The following GAK variants were observed in gnomAD, a reference collection of about 807,000 sequenced individuals.
GAK encodes the protein cyclin G associated kinase.
Under a neutral mutation model 143.9 loss-of-function variants are expected in GAK, and 79 were observed. The observed-to-expected ratio is 0.55, with a 90% CI of 0.46 to 0.66. The LOEUF (loss-of-function observed/expected upper bound fraction) is 0.66. Ranked by LOEUF, GAK falls within the 30% of genes least tolerant of loss-of-function variation. The pLI is 0.00. For synonymous variants in GAK, 881 were observed against 765.5 expected, an observed-to-expected ratio of 1.15 and a Z score of -2.49; for missense variants, 1,693 against 1,779.7, an observed-to-expected ratio of 0.95 and a Z score of 0.88.
chr4:853,608 G>C (rs1748584079), intron 24 of GAK: 1 of 151,898 alleles, frequency 6.6e-6, no homozygotes, highest in African/African-American at 2.4e-5. Flanking sequence ...AGTCCCCCCG[G>C]CAAGGCATGA....
chr4:886,775 C>T (rs55975176), intron 11 of GAK: 10,409 of 152,304 alleles, frequency 0.068, 561 homozygotes, highest in Non-Finnish European at 0.11. Flanking sequence ...GCCCAGTGGG[C>T]GGTGCGCTGG....
At chr4:912,327 G>A in intron 3 of GAK, 1 of 377,068 alleles carries the variant, frequency 2.7e-6, no homozygotes, top group South Asian at 1.9e-5. Flanking sequence ...GACAGCCTGA[G>A]AAGGGACGAG....
At chr4:920,700 C>T (rs1286930795) in intron 1 of GAK, among the ~76,000 whole-genome samples, 3 of 151,850 alleles carry the variant, frequency 2.0e-5, no homozygotes, top group South Asian at 2.1e-4. Flanking sequence ...CCCACCACCA[C>T]GCCTGGCTAA....
intron 4 of GAK, among the ~76,000 whole-genome samples, chr4:907,921 G>A (rs550717440): frequency 5.3e-5 from 8 of 152,262 alleles, no homozygotes; most frequent in Non-Finnish European, 1.2e-4. Flanking sequence ...TTGAGGGGCT[G>A]GGCCCGGCCC....
rs773949389 is a variant in GAK, at chr4:904,662, G to A, written c.500C>T (p.Pro167Leu). Residue 167 changes from proline (P) to leucine (L), a missense_variant, in exon 5 of 28, where the codon CCG becomes CTG. Around this residue, in one of 2 missense-constraint regions of GAK, gnomAD observed 871 missense variants for 991.0 expected, o/e 0.88. Transcript: ENST00000314167. ...RAVQHMHRQK[P>L]PIIHRDLKVE... ...CTTGAGGTCCCTGTGGATGATGGGC[G>A]GCTTCTGCCGGTGCATGTGCTGCAC... The A allele has an allele frequency of 1.5e-5, 24 of 1,601,190 alleles. No individual in the cohort carries two copies. Among genetic ancestry groups the A allele is most frequent in the Non-Finnish European group, 1.8e-5 (21 of 1,172,124 alleles).
intron 3 of GAK, chr4:912,448 T>C (rs1722216244): frequency 9.7e-6 from 4 of 414,142 alleles, no homozygotes; most frequent in Non-Finnish European, 1.8e-5. Context: ...GGGCCCCCTG[T>C]GGTAACCAGC....
At chr4:890,331 C>T (rs1340088541) in intron 10 of GAK, among the ~76,000 whole-genome samples, 2 of 152,212 alleles carry the variant, frequency 1.3e-5, no homozygotes, top group Non-Finnish European at 2.9e-5. Flanking sequence ...TGCACCAAGA[C>T]ACCAGCTTTG....
intron 23 of GAK, among the ~76,000 whole-genome samples, chr4:864,921 C>T (rs565777174): frequency 2.0e-5 from 3 of 152,348 alleles, no homozygotes; most frequent in East Asian, 1.9e-4. Context: ...TGTGTCCCCA[C>T]GTACCCCAGG....
Position 884,501 on chromosome 4 carries a change from C to A in GAK, c.1206-415G>T, listed in dbSNP as rs1407617529. ...GGTCATGCCAGGCTCCACGCGCTGCCCAGGCCTGGTGGTTGTAGCAGTGCG... is the reference window on the plus strand; with the variant it reads ...GGTCATGCCAGGCTCCACGCGCTGCACAGGCCTGGTGGTTGTAGCAGTGCG... On this transcript the variant is annotated intron_variant, in intron 11 of 27. Transcript: ENST00000314167. The A allele has an allele frequency of 2.7e-5, 5 of 182,688 alleles. No individual in the cohort carries two copies. The East Asian group carries it at 6.9e-4, about 25-fold the overall frequency. 11.3% of individuals were successfully genotyped at this position (182,688 alleles called of 1,614,324 possible).
rs1478752897 is a variant in GAK, at chr4:859,646, G to C, written c.3243C>G (p.Asp1081Glu). ...TGAGGTCGCCAAGGTCAGCAAATGGGTCCGGGTTCTGAGACTTGGTCCAGC... is the reference window on the plus strand; with the variant it reads ...TGAGGTCGCCAAGGTCAGCAAATGGCTCCGGGTTCTGAGACTTGGTCCAGC... ...QASWTKSQNP[D>E]PFADLGDLSS... The change falls in exon 24 of 28, where the codon GAC becomes GAG. Residue 1081 changes from aspartate (D) to glutamate (E), a missense_variant. Physicochemically the swap from Asp to Glu is conservative, Grantham distance 45. Coordinates refer to ENST00000314167, the MANE Select transcript of GAK (RefSeq NM_005255.4). 2.5e-6 allele frequency: 4 copies of C among 1,602,904 alleles called. No homozygotes were observed. In the Admixed American group the frequency reaches 5.0e-5, roughly 20 times the overall value.
At chr4:857,595 G>A (rs1749517321) in intron 24 of GAK, among the ~76,000 whole-genome samples, 2 of 152,176 alleles carry the variant, frequency 1.3e-5, no homozygotes, top group African/African-American at 2.4e-5. Flanking sequence ...ACTGCACAGA[G>A]GCGCCTGCAC....
In GAK at chr4:875,321, G is replaced by A. The variant is rs181960561; in HGVS notation, c.2054+1209C>T. 2.0e-3 allele frequency among the ~76,000 whole-genome samples: 301 copies of A among 152,292 alleles called. 1 individual carries two copies. Among genetic ancestry groups the A allele is most frequent in the Non-Finnish European group, 2.1e-3 (146 of 68,024 alleles). ...ATATGTGAGTTAAAAAAAGAAAAGC[G>A]TAAGACACAACAAAGACAAGAGATG... On this transcript the variant is annotated intron_variant, in intron 18 of 27. Transcript: ENST00000314167.
chr4:880,529 A>C (rs1714885156), intron 15 of GAK, among the ~76,000 whole-genome samples: 1 of 139,832 alleles, frequency 7.2e-6, no homozygotes, highest in Non-Finnish European at 1.6e-5. Context: ...GTGGGTGCCC[A>C]CAGAGACTGT....
rs750566114 is a variant in GAK, at chr4:849,723, T to G, written c.3886A>C (p.Asn1296His). 2.0e-5 allele frequency: 32 copies of G among 1,613,324 alleles called. No individual in the cohort carries two copies. Among genetic ancestry groups the G allele is most frequent in the Non-Finnish European group, 2.5e-5 (30 of 1,179,692 alleles). The change falls in exon 28 of 28, where the codon AAT becomes CAT. Residue 1296 changes from asparagine to histidine, a missense_variant. Asn to His is a moderately conservative substitution (Grantham distance 68, BLOSUM62 1). Transcript: ENST00000314167. Reference protein sequence around the residue: ...QHAKMIFMELNDAWSEFENQG... With the variant: ...QHAKMIFMELHDAWSEFENQG... ...TTCTCAAACTCCGACCAGGCGTCAT[T>G]CAGCTCCATGAAGATCATCTTGGCG...
At chr4:877,349 C>G (rs1714151857) in intron 16 of GAK, 142 bp from the exon 17 acceptor site, 1 of 681,762 alleles carries the variant, frequency 1.5e-6, no homozygotes, top group Non-Finnish European at 2.5e-6. Context: ...AAGAGCCTCA[C>G]AAGAATTCTA....
At chr4:895,762 C>G (rs1025782901) in intron 7 of GAK, among the ~76,000 whole-genome samples, 1 of 152,198 alleles carries the variant, frequency 6.6e-6, no homozygotes, top group African/African-American at 2.4e-5. Context: ...AGGGAGGACG[C>G]AGGAGACCAC....
chr4:865,228 C>T lies in GAK; in HGVS notation c.3060G>A (p.Glu1020=), dbSNP rs142955360. 6.9e-3 allele frequency: 11,172 copies of T among 1,613,426 alleles called. 79 individuals are homozygous for T. Among genetic ancestry groups the T allele is most frequent in the Non-Finnish European group, 8.3e-3 (9,777 of 1,179,874 alleles). The change falls in exon 23 of 28, where the codon GAG becomes GAA. Residue 1020 remains glutamate (E), a synonymous_variant. Coordinates refer to ENST00000314167, the MANE Select transcript of GAK (RefSeq NM_005255.4). The part of the protein sequence containing the change: ...DFLHLGDLPG[E]PSKMTASSSN... The stretch of plus-strand genomic sequence containing the variant: ...TGGACGAGGCTGTCATCTTGCTGGG[C>T]TCTCCTGGCAGATCCCCTGGGAAGA...
Position 859,592 on chromosome 4 carries a change from G to A in GAK, c.3283+14C>T, listed in dbSNP as rs568076111. ...GAAACAGCTTCCACACCCCCAAAGT[G>A]CCCTCCACGTTACCTTGGAGGCCGG... On this transcript the variant is annotated intron_variant, in intron 24 of 27. Transcript: ENST00000314167. 1.9e-6 allele frequency: 3 copies of A among 1,591,450 alleles called. No homozygotes were observed. Among genetic ancestry groups the A allele is most frequent in the African/African-American group, 2.7e-5 (2 of 74,630 alleles).
chr4:911,554 C>T, intron 4 of GAK, 119 bp downstream of exon 4: 1 of 704,540 alleles, frequency 1.4e-6, no homozygotes, highest in Admixed American at 2.4e-5. Flanking sequence ...CCCGCTAAGA[C>T]CAACACAGCT....
Sources: allele counts gnomAD v4.1 joint callset (sites outside exome capture counted in the v4.1 genomes callset), GRCh38; gene constraint gnomAD v4.1.1; regional missense constraint gnomAD v4.1.1; transcripts MANE v1.5; gene names NCBI Gene and HGNC (gene_info 2026-07-23, HGNC 2026-07-21).